Variants in ATP10B observed in about 807,000 individuals in gnomAD.
ATP10B encodes phospholipid-transporting ATPase VB.
ATP10B carries 122 observed loss-of-function variants against 141.2 expected under a neutral mutation model. The observed-to-expected ratio is 0.86, with a 90% CI of 0.75 to 1.00. The LOEUF is 1.00. Ranked by LOEUF, ATP10B falls within the 50% of genes least tolerant of loss-of-function variation. The pLI, the probability that ATP10B is intolerant of heterozygous loss-of-function variation, is 0.00. For missense variants in ATP10B, 1,876 were observed against 1,825.3 expected (o/e 1.03, Z -0.51); for synonymous variants, 685 against 692.0 (o/e 0.99, Z 0.16).
At chr5:160,888,045 A>C in the ATP10B span, among the ~76,000 whole-genome samples, 1 of 152,242 alleles carries the variant, frequency 6.6e-6, no homozygotes, top group African/African-American at 2.4e-5. Flanking sequence ...GTATTGCATA[A>C]AAGGCATATG....
intron 2 of ATP10B, among the ~76,000 whole-genome samples, chr5:160,757,305 C>T (rs1768693557): frequency 6.6e-6 from 1 of 152,140 alleles, no homozygotes. Flanking sequence ...CCTTCATTTG[C>T]CATGAAAGTA....
intron 2 of ATP10B, among the ~76,000 whole-genome samples, chr5:160,733,095 T>C (rs1408303678): frequency 6.6e-6 from 1 of 152,262 alleles, no homozygotes; most frequent in Non-Finnish European, 1.5e-5. Context: ...GAACAGGGAC[T>C]ATCCTTTCAT....
At chr5:160,644,081 T>G in intron 9 of ATP10B, 57 bp downstream of exon 9, 3 of 1,404,108 alleles carry the variant, frequency 2.1e-6, no homozygotes, top group Non-Finnish European at 3.0e-6. Flanking sequence ...TGAAGATGGA[T>G]TTGGAGGGGG....
chr5:160,577,555 G>A (rs111237237), intron 24 of ATP10B, among the ~76,000 whole-genome samples: 1 of 152,128 alleles, frequency 6.6e-6, no homozygotes, highest in Non-Finnish European at 1.5e-5. Flanking sequence ...AGAGCACCGC[G>A]TCCTAGGGGA....
chr5:160,842,907 G>C (rs911337855), intron 1 of ATP10B, among the ~76,000 whole-genome samples: 1 of 151,924 alleles, frequency 6.6e-6, no homozygotes, highest in Non-Finnish European at 1.5e-5. Context: ...AGTTGTTTCA[G>C]AAAACATAAA....
chr5:160,908,564 TC>T, the ATP10B span, among the ~76,000 whole-genome samples: 2 of 152,206 alleles, frequency 1.3e-5, no homozygotes, highest in South Asian at 4.1e-4. Context: ...TTTTGCTTCC[TC>T]CTTCTCTTCT....
chr5:160,879,542 A>G, the ATP10B span, among the ~76,000 whole-genome samples: 1 of 151,600 alleles, frequency 6.6e-6, no homozygotes, highest in African/African-American at 2.4e-5. Flanking sequence ...AAAATTAAAA[A>G]AAAAAAAAAA....
intron 21 of ATP10B, 75 bp downstream of exon 21, chr5:160,602,502 A>G (rs565598353): frequency 1.9e-6 from 3 of 1,595,040 alleles, no homozygotes; most frequent in Non-Finnish European, 2.6e-6. Context: ...TGCTTTGCCC[A>G]CTGCTAGGGA....
the ATP10B span, among the ~76,000 whole-genome samples, chr5:160,903,989 G>A: frequency 3.9e-5 from 6 of 152,098 alleles, no homozygotes; most frequent in African/African-American, 7.2e-5. Flanking sequence ...CAGTTTCTTC[G>A]CCATAGGCTT....
At chr5:160,876,797 A>C in the ATP10B span, among the ~76,000 whole-genome samples, 53 of 151,098 alleles carry the variant, frequency 3.5e-4, no homozygotes, top group African/African-American at 1.2e-3. Flanking sequence ...GAAATGGATA[A>C]ATTCCTGGAC....
chr5:160,927,147 C>A, the ATP10B span, among the ~76,000 whole-genome samples: 1 of 152,272 alleles, frequency 6.6e-6, no homozygotes, highest in African/African-American at 2.4e-5. Context: ...CACCTTGGAT[C>A]CCCTGATTCC....
At chr5:160,883,129 A>G in the ATP10B span, among the ~76,000 whole-genome samples, 2 of 152,242 alleles carry the variant, frequency 1.3e-5, no homozygotes, top group Non-Finnish European at 2.9e-5. Flanking sequence ...CAGGAAATGC[A>G]TTACTTACTA....
the ATP10B span, among the ~76,000 whole-genome samples, chr5:160,880,973 G>A: frequency 3.9e-5 from 6 of 152,056 alleles, no homozygotes; most frequent in African/African-American, 7.2e-5. Flanking sequence ...TCTGCTCTCC[G>A]AAAGACAACA....
At position 160,598,971 on chromosome 5, in the gene ATP10B, C is replaced by A; in HGVS notation, c.3364-1G>T. On this transcript the variant is annotated splice_acceptor_variant, in intron 21 of 25. Coordinates refer to ENST00000327245, the MANE Select transcript of ATP10B (RefSeq NM_025153.3). LOFTEE classifies it high-confidence loss of function. ...ACCAGAAGAGCAGGTTGACGTAGCA[C>A]TGCAGGCAGAGAGCATGGCCTTGTG... is the stretch of plus-strand genomic sequence containing the variant. The A allele has an allele frequency of 6.2e-7, 1 of 1,613,906 alleles. No homozygotes were observed. Among genetic ancestry groups the A allele is most frequent in the East Asian group, 2.2e-5 (1 of 44,880 alleles).
At chr5:160,814,252 A>G (rs1773418132) in intron 1 of ATP10B, among the ~76,000 whole-genome samples, 1 of 152,202 alleles carries the variant, frequency 6.6e-6, no homozygotes, top group African/African-American at 2.4e-5. Flanking sequence ...AATTAGATGA[A>G]TGGCTAACTA....
chr5:160,815,755 G>A (rs182233432), intron 1 of ATP10B, among the ~76,000 whole-genome samples: 3 of 152,268 alleles, frequency 2.0e-5, no homozygotes, highest in South Asian at 4.1e-4. Context: ...TGACCACATA[G>A]TTGGAAGTAA....
At chr5:160,701,545 G>A (rs140837797) in intron 3 of ATP10B, among the ~76,000 whole-genome samples, 1 of 152,138 alleles carries the variant, frequency 6.6e-6, no homozygotes, top group Admixed American at 6.5e-5. Flanking sequence ...TGGATTGAGG[G>A]ATTCTACAAG....
At chr5:160,725,357 T>TC (rs1766265533) in intron 2 of ATP10B, among the ~76,000 whole-genome samples, 1 of 152,198 alleles carries the variant, frequency 6.6e-6, no homozygotes, top group East Asian at 1.9e-4. Flanking sequence ...AAAACTACCT[T>TC]CTTCACTCTA....
chr5:160,599,060 G>A lies in ATP10B; in HGVS notation c.3364-90C>T, dbSNP rs1478563735. The A allele has an allele frequency of 3.4e-6, 4 of 1,172,094 alleles. No homozygotes were observed. The African/African-American group carries it at 6.1e-5, about 18-fold the overall frequency. The allele number at this position is 1,172,094 out of a possible 1,614,324, so 72.6% of individuals were successfully genotyped here. ...TGGGACCTCTGGGAGCTGCTGGAGT[G>A]GCAGTTGCCTCATTTATAACACACA... On this transcript the variant is annotated intron_variant, in intron 21 of 25. Transcript: ENST00000327245.
Sources: gnomAD v4.1 joint callset for allele counts (sites outside exome capture counted in the v4.1 genomes callset) on GRCh38, gnomAD v4.1.1 for gene constraint, MANE v1.5 for transcripts, NCBI Gene and HGNC (gene_info 2026-07-23, HGNC 2026-07-21) for gene names.